FAF1: variants seen among roughly 807,000 people sequenced by gnomAD.
FAF1 encodes the protein FAS-associated factor 1.
In FAF1, 25 loss-of-function variants were observed where a neutral mutation model predicts 92.5. The ratio of observed to expected loss-of-function variants is 0.27; its 90% confidence interval spans 0.20 to 0.38. FAF1 has a LOEUF of 0.38. Ranked by LOEUF, FAF1 falls within the 10% of genes least tolerant of loss-of-function variation. FAF1 has a pLI of 1.00. For synonymous variants in FAF1, 234 were observed against 273.2 expected (o/e 0.86, Z 1.42); for missense variants, 636 against 793.3 (o/e 0.80, Z 2.38).
chr1:50,787,716 AG>A (rs1403942198), intron 4 of FAF1, among the ~76,000 whole-genome samples: 1 of 152,216 alleles, frequency 6.6e-6, no homozygotes, highest in Non-Finnish European at 1.5e-5. Context: ...GTACTTGATT[AG>A]GGTATTTTTT....
At chr1:50,839,947 C>G (rs993227200) in intron 2 of FAF1, among the ~76,000 whole-genome samples, 3 of 152,122 alleles carry the variant, frequency 2.0e-5, no homozygotes, top group African/African-American at 4.8e-5. Flanking sequence ...AGCATAATAT[C>G]TCTGTAAATC....
At chr1:50,577,956 T>C (rs1241747488) in intron 12 of FAF1, among the ~76,000 whole-genome samples, 1 of 152,248 alleles carries the variant, frequency 6.6e-6, no homozygotes, top group Non-Finnish European at 1.5e-5. Flanking sequence ...CCAAGTGCTC[T>C]CAAATGAAAT....
intron 1 of FAF1, among the ~76,000 whole-genome samples, chr1:50,858,408 C>T (rs570492647): frequency 2.1e-4 from 32 of 151,688 alleles, no homozygotes; most frequent in Admixed American, 5.3e-4. Context: ...AAACTAAAAT[C>T]GAAAACTATA....
chr1:50,905,053 C>G (rs903204104), intron 1 of FAF1, among the ~76,000 whole-genome samples: 6 of 152,122 alleles, frequency 3.9e-5, no homozygotes, highest in African/African-American at 1.2e-4. Flanking sequence ...CACCCCACAA[C>G]AGGCCCCGGT....
chr1:50,515,730 G>A (rs945184591), intron 15 of FAF1, among the ~76,000 whole-genome samples: 1 of 152,084 alleles, frequency 6.6e-6, no homozygotes, highest in African/African-American at 2.4e-5. Context: ...CTTTATAGCA[G>A]AACATAGACA....
chr1:50,564,681 A>G (rs1050173482), intron 13 of FAF1, among the ~76,000 whole-genome samples: 2 of 152,196 alleles, frequency 1.3e-5, no homozygotes, highest in Admixed American at 6.5e-5. Flanking sequence ...AAAATCCAAG[A>G]AAGATAATAC....
chr1:50,758,094 T>C (rs894814080), intron 4 of FAF1, among the ~76,000 whole-genome samples: 4 of 152,220 alleles, frequency 2.6e-5, no homozygotes, highest in Non-Finnish European at 5.9e-5. Context: ...ATTTTTGTAT[T>C]TTTAGTAGAG....
At chr1:50,623,952 AAAG>A (rs984391112) in intron 8 of FAF1, among the ~76,000 whole-genome samples, 40 of 152,076 alleles carry the variant, frequency 2.6e-4, no homozygotes, top group Non-Finnish European at 3.7e-4. Flanking sequence ...AAAAACAAAG[AAAG>A]AAGAAGAAGA....
chr1:50,462,971 C>A (rs941799029), intron 18 of FAF1, among the ~76,000 whole-genome samples: 1 of 152,150 alleles, frequency 6.6e-6, no homozygotes, highest in African/African-American at 2.4e-5. Context: ...GTTTGAGAGG[C>A]CTGCTTACAA....
rs1479699867 is a variant in FAF1, at chr1:50,490,546, C to CAGTGGAAATAA, written c.1653+41_1653+42insTTATTTCCACT. 3.0e-6 allele frequency: 4 copies of CAGTGGAAATAA among 1,317,588 alleles called. No individual in the cohort carries two copies. The Admixed American group carries it at 5.0e-5, about 17-fold the overall frequency. The allele number at this position is 1,317,588 out of a possible 1,614,324, so 81.6% of individuals were successfully genotyped here. ...AGGTTAACAGCTTCAGTATCAAATA[C>CAGTGGAAATAA]AACCCAGCTTTTGAATAACTTTTCT... On this transcript the variant is annotated intron_variant, in intron 17 of 18. Transcript: ENST00000396153.
chr1:50,590,524 G>T (rs111996074), intron 9 of FAF1, among the ~76,000 whole-genome samples: 23 of 152,246 alleles, frequency 1.5e-4, no homozygotes, highest in African/African-American at 5.5e-4. Context: ...TCATTTTTTA[G>T]TTCCAATAGT....
chr1:50,558,398 CG>C (rs1336904473), intron 13 of FAF1, among the ~76,000 whole-genome samples: 2 of 151,840 alleles, frequency 1.3e-5, no homozygotes, highest in African/African-American at 2.4e-5. Context: ...GGTCGGGGGA[CG>C]GGTTACAGAA....
chr1:50,611,802 G>A (rs1652698033), intron 8 of FAF1, among the ~76,000 whole-genome samples: 1 of 152,114 alleles, frequency 6.6e-6, no homozygotes, highest in South Asian at 2.1e-4. Flanking sequence ...GAGTTAACAG[G>A]AATTAACTGT....
intron 4 of FAF1, among the ~76,000 whole-genome samples, chr1:50,745,570 T>C (rs1412377757): frequency 6.6e-6 from 1 of 152,046 alleles, no homozygotes; most frequent in African/African-American, 2.4e-5. Context: ...GGAGATCTGG[T>C]TGTTTAAAAG....
intron 15 of FAF1, among the ~76,000 whole-genome samples, chr1:50,512,711 T>A (rs1368811822): frequency 2.0e-5 from 3 of 152,220 alleles, no homozygotes; most frequent in African/African-American, 7.2e-5. Context: ...TTGTCTTGGC[T>A]ATAACGGCTC....
chr1:50,905,749 T>C (rs1644832572), intron 1 of FAF1, among the ~76,000 whole-genome samples: 1 of 152,234 alleles, frequency 6.6e-6, no homozygotes, highest in Non-Finnish European at 1.5e-5. Context: ...TGTAAATATG[T>C]TTAAGTTCTT....
chr1:50,550,136 G>A (rs1649237254), intron 13 of FAF1, among the ~76,000 whole-genome samples: 1 of 151,974 alleles, frequency 6.6e-6, no homozygotes, highest in Admixed American at 6.6e-5. Flanking sequence ...CAGACCACGA[G>A]GTCAGGAGAT....
chr1:50,920,682 A>G (rs1227832997), intron 1 of FAF1, among the ~76,000 whole-genome samples: 1 of 152,216 alleles, frequency 6.6e-6, no homozygotes, highest in Non-Finnish European at 1.5e-5. Flanking sequence ...CTATATCACC[A>G]TCTCACTAGA....
intron 8 of FAF1, among the ~76,000 whole-genome samples, chr1:50,638,638 G>T (rs1479575594): frequency 6.6e-6 from 1 of 151,730 alleles, no homozygotes; most frequent in Non-Finnish European, 1.5e-5. Flanking sequence ...TAGAGACAGG[G>T]TTTCACCATC....
Sources: allele counts gnomAD v4.1 joint callset (sites outside exome capture counted in the v4.1 genomes callset), GRCh38; gene constraint gnomAD v4.1.1; transcripts MANE v1.5; gene names NCBI Gene and HGNC (gene_info 2026-07-23, HGNC 2026-07-21).